Variants in DCAF10 observed in about 807,000 individuals in gnomAD.
DCAF10 encodes DDB1- and CUL4-associated factor 10.
DCAF10 carries 19 observed loss-of-function variants against 51.9 expected under a neutral mutation model. The ratio of observed to expected loss-of-function variants is 0.37; its 90% CI spans 0.26 to 0.54. The LOEUF (loss-of-function observed/expected upper bound fraction) is 0.54. Among genes scored for constraint, DCAF10 ranks in the 20% least tolerant of loss-of-function variants. DCAF10 has a pLI of 0.87. For missense variants in DCAF10, 510 were observed against 730.6 expected, an observed-to-expected ratio of 0.70 and a Z score of 3.48; for synonymous variants, 291 against 297.1, an observed-to-expected ratio of 0.98 and a Z score of 0.21.
At chr9:37,831,229 A>T (rs1235018307) in intron 2 of DCAF10, among the ~76,000 whole-genome samples, 1 of 152,140 alleles carries the variant, frequency 6.6e-6, no homozygotes, top group African/African-American at 2.4e-5. Flanking sequence ...AAAAAAAGAA[A>T]GTTTTGAGTG....
At chr9:37,843,313 G>C (rs866240407) in intron 3 of DCAF10, among the ~76,000 whole-genome samples, 6 of 152,124 alleles carry the variant, frequency 3.9e-5, no homozygotes, top group African/African-American at 9.7e-5. Flanking sequence ...ACTGTGTGTG[G>C]CCATCATTTT....
chr9:37,855,058 G>A, intron 4 of DCAF10, 76 bp downstream of exon 4: 1 of 1,358,956 alleles, frequency 7.4e-7, no homozygotes, highest in Non-Finnish European at 1.0e-6. Context: ...TTTCTTTTCT[G>A]AAAATGATAG....
At chr9:37,848,964 C>T (rs1830555000) in intron 3 of DCAF10, among the ~76,000 whole-genome samples, 1 of 135,320 alleles carries the variant, frequency 7.4e-6, no homozygotes. Flanking sequence ...CACAGCGAGA[C>T]TCTGTCTCAA....
At chr9:37,832,077 A>T (rs958889723) in intron 2 of DCAF10, 1 of 151,284 alleles carries the variant, frequency 6.6e-6, no homozygotes, top group African/African-American at 2.4e-5. Context: ...TTAGTCGGGC[A>T]TGGTGGCGGG....
At chr9:37,830,091 TAGAG>T (rs35216392) in intron 2 of DCAF10, among the ~76,000 whole-genome samples, 30,289 of 151,992 alleles carry the variant, frequency 0.2, 3,529 homozygotes, top group African/African-American at 0.32. Context: ...TTGTTTGTAA[TAGAG>T]AGAAGTTGGA....
chr9:37,866,513 A>G lies in DCAF10; in HGVS notation c.*5005A>G, dbSNP rs1201930345. 6.6e-6 allele frequency: 1 copy of G among 152,188 alleles called. No individual in the cohort carries two copies. Among genetic ancestry groups the G allele is most frequent in the African/African-American group, 2.4e-5 (1 of 41,434 alleles). The allele number at this position is 152,188 out of a possible 1,614,324, so 9.4% of individuals were successfully genotyped here. Reference sequence around the variant, plus strand: ...AGTAATTTGCTATGTCTTCTCCCACACTATCAATATGCCTGCTTCTAACAG... The same window carrying G: ...AGTAATTTGCTATGTCTTCTCCCACGCTATCAATATGCCTGCTTCTAACAG... On this transcript the variant is annotated 3_prime_UTR_variant, in exon 7 of 7. Transcript: ENST00000377724.
intron 3 of DCAF10, among the ~76,000 whole-genome samples, chr9:37,852,933 TATATATATATATATA>T (rs1830715126): frequency 5.4e-5 from 2 of 36,782 alleles, no homozygotes; most frequent in Non-Finnish European, 9.5e-5. Context: ...TGTGAGGTTA[TATATATATATATATA>T]TATATATATA....
intron 2 of DCAF10, among the ~76,000 whole-genome samples, chr9:37,826,180 C>T (rs1829847881): frequency 6.6e-6 from 1 of 150,644 alleles, no homozygotes; most frequent in South Asian, 2.1e-4. Context: ...CCAGAATATA[C>T]AAGGGACTCC....
intron 1 of DCAF10, among the ~76,000 whole-genome samples, chr9:37,815,725 A>C (rs1440933273): frequency 7.0e-6 from 1 of 143,748 alleles, no homozygotes; most frequent in Non-Finnish European, 1.5e-5. Context: ...CAAATAATAG[A>C]ATAGTAAGAT....
intron 3 of DCAF10, among the ~76,000 whole-genome samples, chr9:37,850,858 ATATATATATATATATATATATAT>A (rs1830623598): frequency 1.8e-5 from 2 of 109,322 alleles, no homozygotes; most frequent in African/African-American, 4.1e-5. Context: ...ATATATATAT[ATATATATATATATATATATATAT>A]AAATTAGCTT....
chr9:37,803,165 T>G (rs531678144), intron 1 of DCAF10, among the ~76,000 whole-genome samples: 10 of 152,274 alleles, frequency 6.6e-5, no homozygotes, highest in African/African-American at 2.4e-4. Context: ...ACATATATGC[T>G]CATTGTGTAA....
intron 2 of DCAF10, among the ~76,000 whole-genome samples, chr9:37,820,914 T>G (rs1589086353): frequency 6.6e-6 from 1 of 152,274 alleles, no homozygotes; most frequent in East Asian, 1.9e-4. Context: ...TATGTATTTA[T>G]TTTTGACTAG....
At chr9:37,834,761 A>G (rs1287568490) in intron 2 of DCAF10, among the ~76,000 whole-genome samples, 1 of 151,300 alleles carries the variant, frequency 6.6e-6, no homozygotes, top group African/African-American at 2.4e-5. Context: ...TTTTTAGAAA[A>G]TATTTTTTGT....
chr9:37,800,701 C>A, upstream of DCAF10: 1 of 1,535,862 alleles, frequency 6.5e-7, no homozygotes, highest in Non-Finnish European at 8.7e-7. Flanking sequence ...CCAAACCCGG[C>A]GGTGTCTCAG....
At position 37,861,652 on chromosome 9, in the gene DCAF10, C is replaced by G. The variant is rs1479233470; in HGVS notation, c.*144C>G. The stretch of plus-strand genomic sequence containing the variant: ...ATGGGTCCATGAACACACTTGTGAC[C>G]TTAGTACTTGGTCATCCAGCATCAT... On this transcript the variant is annotated 3_prime_UTR_variant, in exon 7 of 7. Transcript: ENST00000377724. This position sits in a 1 kb window ranked among gnomAD's most constrained non-coding sequence, Gnocchi z 4.9. 1 of 1,195,620 alleles carries G rather than the reference C, an allele frequency of 8.4e-7. No individual in the cohort carries two copies. The highest frequency in any genetic ancestry group is 1.1e-6 in the Non-Finnish European group (1 of 873,724). 74.1% of individuals were successfully genotyped at this position (1,195,620 alleles called of 1,614,324 possible).
chr9:37,821,094 T>C lies in DCAF10; in HGVS notation c.653+1693T>C, dbSNP rs1829687786. Among the ~76,000 whole-genome samples, 3 of 148,494 alleles carry C rather than the reference T, an allele frequency of 2.0e-5. No homozygotes were observed. In the South Asian group the frequency reaches 6.3e-4, roughly 31 times the overall value. ...GATAATTGTTGCATATACAAACATA[T>C]ATATATATATACACACACACACACT... On this transcript the variant is annotated intron_variant, in intron 2 of 6. Coordinates refer to ENST00000377724, the MANE Select transcript of DCAF10 (RefSeq NM_024345.5).
rs1482804529 is a variant in DCAF10, at chr9:37,846,856, C to A, written c.851+4570C>A. 2.0e-5 allele frequency among the ~76,000 whole-genome samples: 3 copies of A among 152,084 alleles called. No homozygotes were observed. In the East Asian group the frequency reaches 5.8e-4, roughly 29 times the overall value. ...TATTTACATAGTAAATAATAACAGT[C>A]CTTCACAAACTCTTCCAGAATATAG... On this transcript the variant is annotated intron_variant, in intron 3 of 6. Transcript: ENST00000377724.
intron 3 of DCAF10, among the ~76,000 whole-genome samples, chr9:37,853,288 C>T (rs1343557206): frequency 1.3e-5 from 2 of 148,612 alleles, no homozygotes; most frequent in African/African-American, 5.0e-5. Context: ...TGGTGCGTGC[C>T]TGTAATCCCA....
chr9:37,860,352 C>A, intron 6 of DCAF10, 159 bp downstream of exon 6: 1 of 910,428 alleles, frequency 1.1e-6, no homozygotes. Flanking sequence ...TCCTCTCTTG[C>A]TTCATATGGT....
Sources: gnomAD v4.1 joint callset for allele counts (sites outside exome capture counted in the v4.1 genomes callset) on GRCh38, gnomAD v4.1.1 for gene constraint, Gnocchi (gnomAD v3.1) non-coding constraint, MANE v1.5 for transcripts, NCBI Gene and HGNC (gene_info 2026-07-23, HGNC 2026-07-21) for gene names.